The following SLC24A2 variants were observed in gnomAD, a reference collection of about 807,000 sequenced individuals.
SLC24A2 encodes sodium/potassium/calcium exchanger 2.
In SLC24A2, 36 loss-of-function variants were observed where a neutral mutation model predicts 62.0. That is an observed-to-expected ratio of 0.58 (90% CI 0.44 to 0.77). The LOEUF (loss-of-function observed/expected upper bound fraction) is 0.77. Ranked by LOEUF, SLC24A2 falls within the 30% of genes least tolerant of loss-of-function variation. The probability of loss-of-function intolerance (pLI) is 0.00; values close to 1 mark genes in which losing one functional copy is unlikely to be tolerated. For missense variants in SLC24A2, 846 were observed against 817.9 expected, an observed-to-expected ratio of 1.03 and a Z score of -0.42; for synonymous variants, 358 against 294.0, an observed-to-expected ratio of 1.22 and a Z score of -2.23.
At chr9:19,582,635 G>C (rs1356912776) in intron 5 of SLC24A2, among the ~76,000 whole-genome samples, 1 of 152,146 alleles carries the variant, frequency 6.6e-6, no homozygotes, top group African/African-American at 2.4e-5. Flanking sequence ...TGGCTTGCCA[G>C]GTAGCTTAAA....
chr9:20,078,009 GGGGCACAGGGT>G, the SLC24A2 span, among the ~76,000 whole-genome samples: 1 of 143,502 alleles, frequency 7.0e-6, no homozygotes, highest in East Asian at 2.1e-4. Flanking sequence ...CTGGTGAGGA[GGGGCACAGGGT>G]GGGCACAGGG....
intron 2 of SLC24A2, among the ~76,000 whole-genome samples, chr9:19,660,791 T>C (rs1204318029): frequency 6.6e-6 from 1 of 152,192 alleles, no homozygotes; most frequent in Admixed American, 6.5e-5. Flanking sequence ...CTTTCAAACC[T>C]TGGACACTGG....
At chr9:20,248,776 C>CAGAGT in the SLC24A2 span, among the ~76,000 whole-genome samples, 1 of 152,248 alleles carries the variant, frequency 6.6e-6, no homozygotes, top group Non-Finnish European at 1.5e-5. Flanking sequence ...AACTATCCAA[C>CAGAGT]TGCAAATCCT....
the SLC24A2 span, among the ~76,000 whole-genome samples, chr9:19,797,639 A>T: frequency 6.6e-6 from 1 of 152,278 alleles, no homozygotes; most frequent in Admixed American, 6.5e-5. Context: ...TCTTCTCTGA[A>T]GTATTTGTGT....
chr9:20,112,240 C>A, the SLC24A2 span, among the ~76,000 whole-genome samples: 2 of 152,132 alleles, frequency 1.3e-5, no homozygotes, highest in African/African-American at 4.8e-5. Context: ...AAGAACATTT[C>A]GTCAAAGTAA....
At chr9:19,686,591 T>C (rs574241820) in intron 2 of SLC24A2, among the ~76,000 whole-genome samples, 33 of 152,110 alleles carry the variant, frequency 2.2e-4, no homozygotes, top group Non-Finnish European at 4.6e-4. Flanking sequence ...GTTCTCATGA[T>C]AGTGAGTTCT....
chr9:19,988,545 G>C, the SLC24A2 span, among the ~76,000 whole-genome samples: 6 of 152,284 alleles, frequency 3.9e-5, no homozygotes, highest in South Asian at 1.2e-3. Flanking sequence ...TTTTTTACAA[G>C]GCTCTCACCA....
chr9:20,154,415 G>A, the SLC24A2 span, among the ~76,000 whole-genome samples: 1 of 151,764 alleles, frequency 6.6e-6, no homozygotes, highest in Admixed American at 6.6e-5. Context: ...AGAATCTGGG[G>A]AAGGTTAAAA....
intron 2 of SLC24A2, among the ~76,000 whole-genome samples, chr9:19,628,519 C>T (rs959031678): frequency 1.1e-4 from 17 of 152,242 alleles, no homozygotes; most frequent in African/African-American, 3.1e-4. Flanking sequence ...CTGAAAAATC[C>T]AGATGTTCCT....
At chr9:20,210,556 C>T in the SLC24A2 span, among the ~76,000 whole-genome samples, 1 of 150,764 alleles carries the variant, frequency 6.6e-6, no homozygotes, top group Non-Finnish European at 1.5e-5. Flanking sequence ...TCACTGCAAG[C>T]TCCGCCTCCC....
At chr9:20,238,035 T>C in the SLC24A2 span, among the ~76,000 whole-genome samples, 1 of 152,058 alleles carries the variant, frequency 6.6e-6, no homozygotes, top group Admixed American at 6.5e-5. Flanking sequence ...CTTGGAGTCA[T>C]CTTGGCTTCT....
chr9:19,534,516 C>T (rs746949128), intron 8 of SLC24A2, among the ~76,000 whole-genome samples: 3 of 151,892 alleles, frequency 2.0e-5, no homozygotes, highest in African/African-American at 4.8e-5. Context: ...TAGCCCCCCA[C>T]CCCTTGACAG....
At chr9:20,052,317 A>G in the SLC24A2 span, among the ~76,000 whole-genome samples, 109 of 152,292 alleles carry the variant, frequency 7.2e-4, no homozygotes, top group Non-Finnish European at 9.7e-4. Context: ...GATGGAAGCT[A>G]CTAGGTGGCA....
At chr9:19,534,353 T>G (rs1833854600) in intron 8 of SLC24A2, among the ~76,000 whole-genome samples, 2 of 152,186 alleles carry the variant, frequency 1.3e-5, no homozygotes. Context: ...ATTTTTTGTC[T>G]TTGTATCTCT....
the SLC24A2 span, among the ~76,000 whole-genome samples, chr9:20,181,638 G>A: frequency 1.3e-5 from 2 of 152,182 alleles, no homozygotes; most frequent in Non-Finnish European, 2.9e-5. Context: ...ATTGACTCAA[G>A]ATGGATTAAA....
At chr9:20,260,291 G>T in the SLC24A2 span, among the ~76,000 whole-genome samples, 1 of 152,152 alleles carries the variant, frequency 6.6e-6, no homozygotes, top group African/African-American at 2.4e-5. Context: ...GGACTTCAAA[G>T]ACTCTAGAAC....
At chr9:19,938,382 G>T in the SLC24A2 span, among the ~76,000 whole-genome samples, 2 of 152,058 alleles carry the variant, frequency 1.3e-5, no homozygotes, top group Non-Finnish European at 1.5e-5. Flanking sequence ...ATTTTTTACA[G>T]CCCCATTTAA....
chr9:20,265,706 G>A, the SLC24A2 span, among the ~76,000 whole-genome samples: 12 of 152,114 alleles, frequency 7.9e-5, no homozygotes, highest in Admixed American at 4.6e-4. Context: ...TAACAGCAAT[G>A]TTCAGGGAAC....
the SLC24A2 span, among the ~76,000 whole-genome samples, chr9:20,011,577 G>A: frequency 6.6e-5 from 10 of 152,234 alleles, no homozygotes; most frequent in Non-Finnish European, 1.0e-4. Flanking sequence ...ACACCATCAA[G>A]AAAACTAACA....
Sources: allele counts gnomAD v4.1 joint callset (sites outside exome capture counted in the v4.1 genomes callset), GRCh38; gene constraint gnomAD v4.1.1; transcripts MANE v1.5; gene names NCBI Gene and HGNC (gene_info 2026-07-23, HGNC 2026-07-21).